Variants in DOCK9 observed in about 807,000 individuals in gnomAD.
DOCK9 encodes dedicator of cytokinesis 9.
Under a neutral mutation model 263.3 loss-of-function variants are expected in DOCK9, and 89 were observed. The observed-to-expected ratio is 0.34, with a 90% CI of 0.28 to 0.40. The LOEUF (loss-of-function observed/expected upper bound fraction) is 0.40. Ranked by LOEUF, DOCK9 falls within the 10% of genes least tolerant of loss-of-function variation. DOCK9 has a pLI of 1.00. For synonymous variants in DOCK9, 976 were observed against 973.1 expected (o/e 1.00, Z -0.06); for missense variants, 2,140 against 2,603.4 (o/e 0.82, Z 3.87).
intron 33 of DOCK9, chr13:98,859,508 C>T (rs1190968078): frequency 3.3e-5 from 5 of 152,050 alleles, no homozygotes; most frequent in South Asian, 2.1e-4. Context: ...CCACCACCAC[C>T]GGCAAAGGTA....
chr13:98,858,977 C>T (rs753620288), intron 33 of DOCK9: 19 of 152,366 alleles, frequency 1.2e-4, no homozygotes, highest in Middle Eastern at 3.4e-3. Context: ...CCACCATACA[C>T]TTTGTATCAG....
chr13:99,085,281 A>T (rs1261522254), intron 1 of DOCK9, among the ~76,000 whole-genome samples: 1 of 152,162 alleles, frequency 6.6e-6, no homozygotes, highest in Non-Finnish European at 1.5e-5. Context: ...AACACAAGTC[A>T]CACCCACCCA....
At chr13:98,998,558 C>A (rs1407672483) in intron 1 of DOCK9, among the ~76,000 whole-genome samples, 1 of 152,144 alleles carries the variant, frequency 6.6e-6, no homozygotes, top group African/African-American at 2.4e-5. Flanking sequence ...TGGTGAAATC[C>A]ATGAATGAGG....
chr13:98,964,115 C>G (rs753387734), intron 1 of DOCK9, among the ~76,000 whole-genome samples: 1 of 152,202 alleles, frequency 6.6e-6, no homozygotes, highest in Non-Finnish European at 1.5e-5. Context: ...AAAAAGAACA[C>G]GGCCCTGCCC....
rs1491213376 is a variant in DOCK9, at chr13:99,008,235, T to TATA, written c.130-52685_130-52684insTAT. Among the ~76,000 whole-genome samples, 464 of 57,828 alleles carry TATA rather than the reference T, an allele frequency of 8.0e-3. 1 individual carries two copies. Among genetic ancestry groups the TATA allele is most frequent in the Middle Eastern group, 0.016 (2 of 124 alleles). 37.9% of individuals were successfully genotyped at this position (57,828 alleles called of 152,430 possible). A position where few individuals can be genotyped will look rare whatever the true frequency, so the allele number is the denominator to read the frequency against. ...CTCTATATATATATATATATATATA[T>TATA]TTTTTTTTTTTTTTGAGACGAAGTC... is the stretch of plus-strand genomic sequence containing the variant. On this transcript the variant is annotated intron_variant, in intron 1 of 32. Transcript: ENST00000427887.
intron 1 of DOCK9, among the ~76,000 whole-genome samples, chr13:98,962,511 G>A (rs1038104007): frequency 4.9e-4 from 74 of 152,342 alleles, no homozygotes; most frequent in African/African-American, 1.7e-3. Context: ...GTGCAGTCAT[G>A]TGAGGCTGCT....
chr13:98,809,326 G>C, intron 47 of DOCK9, 26 bp downstream of exon 47: 3 of 1,569,358 alleles, frequency 1.9e-6, no homozygotes. Flanking sequence ...ACTTAGGACA[G>C]TCTGCAGAAT....
chr13:98,879,926 T>C lies in DOCK9; in HGVS notation c.2915A>G (p.Gln972Arg). 1 of 1,609,844 alleles carries C rather than the reference T, an allele frequency of 6.2e-7. No individual in the cohort carries two copies. The highest frequency in any genetic ancestry group is 8.5e-7 in the Non-Finnish European group (1 of 1,178,996). Residue 972 changes from glutamine (Q) to arginine (R), a missense_variant, in exon 27 of 53, where the codon CAG (glutamine) becomes CGG (arginine). Gln to Arg is a conservative substitution (Grantham distance 43). This residue lies in a region of DOCK9 where 1,521 missense variants were observed against 1,741.7 expected (regional missense o/e 0.87). Coordinates refer to ENST00000682017, the MANE Select transcript of DOCK9 (RefSeq NM_001366683.2). ...AACTTTGGAGTTCTCTATCAAATGCTGAGCCATAGATTTGATCAGTACATC... is the reference window on the plus strand; with the variant it reads ...AACTTTGGAGTTCTCTATCAAATGCCGAGCCATAGATTTGATCAGTACATC... Reference protein sequence around the residue: ...FFDVLIKSMAQHLIENSKVKL... With the variant: ...FFDVLIKSMARHLIENSKVKL...
intron 1 of DOCK9, among the ~76,000 whole-genome samples, chr13:98,961,740 C>T (rs934078068): frequency 5.9e-5 from 9 of 152,202 alleles, no homozygotes; most frequent in Admixed American, 2.6e-4. Context: ...CCCAGGGACA[C>T]GTCCTGTGGG....
rs900055098 is a variant in DOCK9 at position 98,868,395 on chromosome 13, C to T, written c.2944-18G>A. The T allele has an allele frequency of 1.9e-6, 3 of 1,599,114 alleles. No homozygotes were observed. The highest frequency in any genetic ancestry group is 1.7e-5 in the Admixed American group (1 of 57,622). On this transcript the variant is annotated intron_variant, in intron 27 of 52. Coordinates refer to ENST00000682017, the MANE Select transcript of DOCK9 (RefSeq NM_001366683.2). ...CGCAGCAACTAAAAAGAATTCAGAG[C>T]AAACATTTATTATTTATTAAGTTGC...
At chr13:98,951,234 G>T (rs143258680) in intron 2 of DOCK9, among the ~76,000 whole-genome samples, 407 of 152,228 alleles carry the variant, frequency 2.7e-3, no homozygotes, top group Non-Finnish European at 4.1e-3. Flanking sequence ...TGTTTTACCT[G>T]CATTTTTTAA....
chr13:98,867,639 T>C, intron 29 of DOCK9, 103 bp from the exon 30 acceptor site: 1 of 797,774 alleles, frequency 1.3e-6, no homozygotes, highest in Non-Finnish European at 2.1e-6. Context: ...CATTAGCTTC[T>C]TGACCTTCTT....
At chr13:98,949,237 TA>T (rs1430009595) in intron 2 of DOCK9, among the ~76,000 whole-genome samples, 1 of 152,212 alleles carries the variant, frequency 6.6e-6, no homozygotes, top group African/African-American at 2.4e-5. Context: ...CATGCCCGGC[TA>T]ATTTTTTCTT....
intron 33 of DOCK9, chr13:98,856,274 G>T: frequency 5.3e-6 from 2 of 379,742 alleles, no homozygotes; most frequent in Non-Finnish European, 9.5e-6. Flanking sequence ...ACCTTTGATC[G>T]CTAAAGACTA....
At chr13:98,926,026 A>T in intron 3 of DOCK9, 107 bp from the exon 4 acceptor site, 1 of 823,324 alleles carries the variant, frequency 1.2e-6, no homozygotes, top group Non-Finnish European at 1.8e-6. Context: ...ACATCAAAAA[A>T]ATTTTTTCCC....
At chr13:99,033,016 G>A (rs1427763560) in intron 1 of DOCK9, among the ~76,000 whole-genome samples, 1 of 152,190 alleles carries the variant, frequency 6.6e-6, no homozygotes, top group Non-Finnish European at 1.5e-5. Flanking sequence ...AGGAACAAAT[G>A]TGTCAACAAC....
intron 50 of DOCK9, among the ~76,000 whole-genome samples, chr13:98,799,917 C>T (rs1023562200): frequency 3.9e-5 from 6 of 152,134 alleles, no homozygotes. Flanking sequence ...TTTTTGGATA[C>T]AATTTTCATA....
rs201859245 is a variant in DOCK9, at chr13:98,809,819, G to A, written c.5253+350C>T. 2.6e-5 allele frequency among the ~76,000 whole-genome samples: 4 copies of A among 152,160 alleles called. No homozygotes were observed. In the East Asian group the frequency reaches 5.8e-4, roughly 22 times the overall value. On this transcript the variant is annotated intron_variant, in intron 46 of 52. Transcript: ENST00000682017. Reference sequence around the variant, plus strand: ...ATGACCTCCCAAGCCCAGGATGGACGGAAGGGACACCATTTTTTCACGCAG... The same window carrying A: ...ATGACCTCCCAAGCCCAGGATGGACAGAAGGGACACCATTTTTTCACGCAG...
chr13:98,905,870 A>G (rs2049014152), intron 9 of DOCK9, among the ~76,000 whole-genome samples: 1 of 152,194 alleles, frequency 6.6e-6, no homozygotes, highest in Non-Finnish European at 1.5e-5. Context: ...TCCACATTTC[A>G]GAAGCATCAC....
Sources: gnomAD v4.1 joint callset for allele counts (sites outside exome capture counted in the v4.1 genomes callset) on GRCh38, gnomAD v4.1.1 for gene constraint, gnomAD v4.1.1 regional missense constraint, MANE v1.5 for transcripts, NCBI Gene and HGNC (gene_info 2026-07-23, HGNC 2026-07-21) for gene names.